The following STX8 variants were observed in gnomAD, a reference collection of about 807,000 sequenced individuals.
The protein encoded by STX8 is syntaxin-8.
A neutral mutation model predicts 37.5 loss-of-function variants in STX8; 23 were observed. That is an observed-to-expected ratio of 0.61 (90% CI 0.44 to 0.87). STX8 has a LOEUF of 0.87. Among genes scored for constraint, STX8 ranks in the 40% least tolerant of loss-of-function variants. The pLI is 0.00. For synonymous variants in STX8, 115 were observed against 99.1 expected (o/e 1.16, Z -0.95); for missense variants, 313 against 284.7 (o/e 1.10, Z -0.71).
chr17:9,469,976 G>A (rs939799610), intron 6 of STX8: 4 of 152,182 alleles, frequency 2.6e-5, no homozygotes, highest in African/African-American at 9.7e-5. Context: ...ACCACTAGCT[G>A]TTAATTCCTC....
intron 6 of STX8, among the ~76,000 whole-genome samples, chr17:9,391,712 G>T (rs936759445): frequency 6.8e-6 from 1 of 147,812 alleles, no homozygotes; most frequent in Non-Finnish European, 1.5e-5. Context: ...TACAGAAAAA[G>T]AGAGAGAGAA....
At chr17:9,282,904 C>CTTTTT (rs5819219) in intron 7 of STX8, among the ~76,000 whole-genome samples, 5 of 149,138 alleles carry the variant, frequency 3.4e-5, no homozygotes, top group Non-Finnish European at 4.5e-5. Flanking sequence ...GGAGATGAAT[C>CTTTTT]TTTTTTTTTT....
chr17:9,430,624 G>A (rs371777458), intron 6 of STX8, among the ~76,000 whole-genome samples: 1 of 149,702 alleles, frequency 6.7e-6, no homozygotes, highest in South Asian at 2.1e-4. Context: ...ATCTGTTGAC[G>A]GACAGTTGGG....
Position 9,406,412 on chromosome 17 carries a change from G to A in STX8, c.542-27759C>T, listed in dbSNP as rs1008721724. ...CAGAGATGATTAACATCATAGAGCA[G>A]CATTTTAAGTGGATACTCACAGCAT... On this transcript the variant is annotated intron_variant, in intron 6 of 7. Transcript: ENST00000306357. 6.6e-5 allele frequency among the ~76,000 whole-genome samples: 10 copies of A among 152,314 alleles called. No homozygotes were observed. In the East Asian group the frequency reaches 1.9e-3, roughly 29 times the overall value.
At chr17:9,319,878 G>C (rs544047251) in intron 7 of STX8, among the ~76,000 whole-genome samples, 4 of 151,912 alleles carry the variant, frequency 2.6e-5, no homozygotes, top group Non-Finnish European at 5.9e-5. Flanking sequence ...TTGAACCCAG[G>C]GGGCAGAGGT....
chr17:9,517,138 ATC>A (rs1279594290), intron 4 of STX8, among the ~76,000 whole-genome samples: 2 of 152,126 alleles, frequency 1.3e-5, no homozygotes, highest in Non-Finnish European at 2.9e-5. Context: ...CTAAAATAAC[ATC>A]TGTCTCTGTC....
Position 9,358,668 on chromosome 17 carries a change from G to A in STX8, c.643+19884C>T, listed in dbSNP as rs1300988634. Among the ~76,000 whole-genome samples, 3 of 152,316 alleles carry A rather than the reference G, an allele frequency of 2.0e-5. 1 individual carries two copies. Among genetic ancestry groups the A allele is most frequent in the Admixed American group, 1.3e-4 (2 of 15,302 alleles). On this transcript the variant is annotated intron_variant, in intron 7 of 7. Coordinates refer to ENST00000306357, the MANE Select transcript of STX8 (RefSeq NM_004853.3). ...GTGAGGCCACACAAAAGAAACCGGA[G>A]GATGGCAGGGTGCTAGGAATGCTGG...
intron 7 of STX8, among the ~76,000 whole-genome samples, chr17:9,345,127 G>A (rs2142236975): frequency 6.6e-6 from 1 of 151,950 alleles, no homozygotes; most frequent in South Asian, 2.1e-4. Context: ...ACTCCTGACT[G>A]TCATATACAC....
At chr17:9,408,545 T>A (rs1343724359) in intron 6 of STX8, among the ~76,000 whole-genome samples, 4 of 152,172 alleles carry the variant, frequency 2.6e-5, no homozygotes, top group Non-Finnish European at 5.9e-5. Context: ...ACCATCAAAG[T>A]TCTGGACCTA....
chr17:9,327,346 GAGGAGA>G (rs976109350), intron 7 of STX8, among the ~76,000 whole-genome samples: 1 of 150,248 alleles, frequency 6.7e-6, no homozygotes, highest in African/African-American at 2.5e-5. Context: ...GAAGGAGGAG[GAGGAGA>G]AGGAGAGGGA....
intron 6 of STX8, among the ~76,000 whole-genome samples, chr17:9,450,608 C>A (rs1273626885): frequency 2.0e-5 from 3 of 151,616 alleles, no homozygotes; most frequent in South Asian, 2.1e-4. Flanking sequence ...TAATTTTTAC[C>A]GATGTTCATA....
At chr17:9,412,130 T>C (rs1913002266) in intron 6 of STX8, among the ~76,000 whole-genome samples, 3 of 152,058 alleles carry the variant, frequency 2.0e-5, no homozygotes, top group African/African-American at 7.2e-5. Flanking sequence ...AAATACATAG[T>C]CCAAGGAACA....
Position 9,368,122 on chromosome 17 carries a change from A to G in STX8, c.643+10430T>C, listed in dbSNP as rs181948384. On this transcript the variant is annotated intron_variant, in intron 7 of 7. Coordinates refer to ENST00000306357, the MANE Select transcript of STX8 (RefSeq NM_004853.3). ...CTGGGAGTAATAAAACATTAGGCAA[A>G]TAAGTATTTTTCCCTAAAAATTCTA... Among the ~76,000 whole-genome samples, 69 of 152,236 alleles carry G rather than the reference A, an allele frequency of 4.5e-4. 2 individuals are homozygous for G. The highest frequency in any genetic ancestry group is 2.9e-3 in the Admixed American group (45 of 15,276).
chr17:9,491,112 A>C (rs1161194799), intron 6 of STX8, among the ~76,000 whole-genome samples: 3 of 152,130 alleles, frequency 2.0e-5, no homozygotes, highest in Non-Finnish European at 4.4e-5. Flanking sequence ...CCTGTCTCCC[A>C]CTGTCAACTG....
chr17:9,351,199 T>TTTTTTA, intron 7 of STX8, among the ~76,000 whole-genome samples: 1 of 134,070 alleles, frequency 7.5e-6, no homozygotes, highest in Non-Finnish European at 1.6e-5. Context: ...TTTTTTTTTT[T>TTTTTTA]GAGACGGAGT....
intron 7 of STX8, among the ~76,000 whole-genome samples, chr17:9,302,989 T>TAAAA (rs34429298): frequency 7.7e-6 from 1 of 129,446 alleles, no homozygotes. Flanking sequence ...TAATATAGAT[T>TAAAA]AAAAAAAAAA....
chr17:9,351,377 T>C (rs920632026), intron 7 of STX8, among the ~76,000 whole-genome samples: 2 of 151,954 alleles, frequency 1.3e-5, no homozygotes, highest in African/African-American at 4.8e-5. Context: ...CTGACTGGTC[T>C]CCAACTCCTG....
intron 7 of STX8, among the ~76,000 whole-genome samples, chr17:9,341,656 C>T (rs1412474536): frequency 7.2e-5 from 11 of 152,192 alleles, no homozygotes; most frequent in African/African-American, 2.4e-4. Context: ...AGGCTGGTCT[C>T]GAACTCCTGA....
rs144488208 is a variant in STX8, at chr17:9,262,846, T to C, written c.644-12201A>G. Among the ~76,000 whole-genome samples, 456 of 152,308 alleles carry C rather than the reference T, an allele frequency of 3.0e-3. 3 individuals are homozygous for C. Among genetic ancestry groups the C allele is most frequent in the African/African-American group, 9.6e-3 (399 of 41,570 alleles). The stretch of plus-strand genomic sequence containing the variant: ...CCACCTGCCTCCCAAAGTGGTAGGA[T>C]ACAGGCATGAGCCACCACGCTCGGC... On this transcript the variant is annotated intron_variant, in intron 7 of 7. Transcript: ENST00000306357.
Sources: allele counts gnomAD v4.1 joint callset (sites outside exome capture counted in the v4.1 genomes callset), GRCh38; gene constraint gnomAD v4.1.1; transcripts MANE v1.5; gene names NCBI Gene and HGNC (gene_info 2026-07-23, HGNC 2026-07-21).